The following MAGI2 variants were observed in gnomAD, a reference collection of about 807,000 sequenced individuals.
The protein encoded by MAGI2 is membrane associated guanylate kinase, WW and PDZ domain containing 2.
MAGI2 carries 35 observed loss-of-function variants against 133.3 expected under a neutral mutation model. That is an observed-to-expected ratio of 0.26 (90% CI 0.20 to 0.35). MAGI2 has a LOEUF of 0.35. Ranked by LOEUF, MAGI2 falls within the 10% of genes least tolerant of loss-of-function variation. The pLI is 1.00. For synonymous variants in MAGI2, 729 were observed against 710.6 expected, an observed-to-expected ratio of 1.03 and a Z score of -0.41; for missense variants, 1,636 against 1,863.4, an observed-to-expected ratio of 0.88 and a Z score of 2.25.
At chr7:78,980,796 T>C (rs1804715151) in intron 2 of MAGI2, among the ~76,000 whole-genome samples, 1 of 151,748 alleles carries the variant, frequency 6.6e-6, no homozygotes, top group African/African-American at 2.4e-5. Flanking sequence ...TTTTTTTAAA[T>C]ATTGGAGTAT....
chr7:78,458,250 CAT>C (rs1789540896), intron 6 of MAGI2, among the ~76,000 whole-genome samples: 1 of 145,350 alleles, frequency 6.9e-6, no homozygotes. Flanking sequence ...GAGCTGAGAT[CAT>C]GCCACTGCAC....
intron 2 of MAGI2, among the ~76,000 whole-genome samples, chr7:78,890,860 C>T (rs1354262017): frequency 4.6e-5 from 7 of 151,896 alleles, no homozygotes; most frequent in Admixed American, 3.9e-4. Flanking sequence ...TAGCAGAAGG[C>T]AAGAAATAAC....
chr7:78,676,379 C>A (rs1387186510), intron 2 of MAGI2, among the ~76,000 whole-genome samples: 1 of 152,036 alleles, frequency 6.6e-6, no homozygotes, highest in Non-Finnish European at 1.5e-5. Context: ...CGATTCAGAC[C>A]TTTTCTAATT....
At chr7:78,518,125 T>C (rs1298655047) in intron 4 of MAGI2, 1 of 152,124 alleles carries the variant, frequency 6.6e-6, no homozygotes, top group Non-Finnish European at 1.5e-5. Context: ...TGCTTATACA[T>C]GCACAGAATT....
At chr7:78,927,472 C>T (rs991071891) in intron 2 of MAGI2, among the ~76,000 whole-genome samples, 1 of 151,876 alleles carries the variant, frequency 6.6e-6, no homozygotes, top group Non-Finnish European at 1.5e-5. Flanking sequence ...CAGTGAACGT[C>T]ATTTTCTACA....
chr7:78,189,607 A>G (rs1435143680), intron 12 of MAGI2, among the ~76,000 whole-genome samples: 2 of 152,224 alleles, frequency 1.3e-5, no homozygotes, highest in South Asian at 4.1e-4. Flanking sequence ...ACCAAAGTTC[A>G]ATGTGAAGAG....
At chr7:78,403,444 G>A (rs1029132856) in intron 6 of MAGI2, among the ~76,000 whole-genome samples, 6 of 152,124 alleles carry the variant, frequency 3.9e-5, no homozygotes, top group Non-Finnish European at 7.4e-5. Context: ...ATTGTGAATA[G>A]TGCCGCAATA....
At chr7:78,706,211 G>T (rs577672077) in intron 2 of MAGI2, among the ~76,000 whole-genome samples, 3 of 152,004 alleles carry the variant, frequency 2.0e-5, no homozygotes, top group Non-Finnish European at 4.4e-5. Flanking sequence ...GGAGGGATCT[G>T]GGGGAGGTAA....
intron 6 of MAGI2, among the ~76,000 whole-genome samples, chr7:78,460,978 C>T (rs12536872): frequency 0.21 from 31,210 of 151,466 alleles, 3,296 homozygotes; most frequent in Middle Eastern, 0.29. Context: ...ACACACACAC[C>T]CTTCTTTTTA....
intron 9 of MAGI2, among the ~76,000 whole-genome samples, chr7:78,291,540 C>G (rs369191766): frequency 6.6e-6 from 1 of 152,122 alleles, no homozygotes; most frequent in Non-Finnish European, 1.5e-5. Context: ...TGAAACTATT[C>G]CAATCAATAG....
rs372078540 is a variant in MAGI2, at chr7:79,221,430, T to A, written c.302-214224A>T. Among the ~76,000 whole-genome samples, 25 of 152,042 alleles carry A rather than the reference T, an allele frequency of 1.6e-4. No individual in the cohort carries two copies. In the East Asian group the frequency reaches 3.9e-3, roughly 24 times the overall value. On this transcript the variant is annotated intron_variant, in intron 1 of 21. Transcript: ENST00000354212. ...GCACAGCAGGAAACCAGAGACAGGG[T>A]GCGGTTTATGGTAGGTAATGCACAG...
intron 9 of MAGI2, among the ~76,000 whole-genome samples, chr7:78,310,269 T>A (rs960114616): frequency 1.3e-5 from 2 of 151,990 alleles, no homozygotes; most frequent in Non-Finnish European, 2.9e-5. Context: ...ACCCCGTCTC[T>A]ACTAAAAATA....
chr7:79,100,361 TAGAC>T (rs1817871326), intron 1 of MAGI2, among the ~76,000 whole-genome samples: 2 of 152,036 alleles, frequency 1.3e-5, no homozygotes, highest in South Asian at 2.1e-4. Context: ...ATATCTGTGA[TAGAC>T]AGACAAAGAG....
chr7:78,968,427 GTTT>G (rs201480375), intron 2 of MAGI2, among the ~76,000 whole-genome samples: 1 of 142,636 alleles, frequency 7.0e-6, no homozygotes, highest in Non-Finnish European at 1.5e-5. Context: ...TTTGTCATCA[GTTT>G]TTTTTTTTTG....
At chr7:78,647,779 A>C (rs1356259754) in intron 2 of MAGI2, among the ~76,000 whole-genome samples, 1 of 152,208 alleles carries the variant, frequency 6.6e-6, no homozygotes, top group East Asian at 1.9e-4. Context: ...GGATAAAGAA[A>C]ATGTGGCCCA....
chr7:79,075,369 CT>C (rs1328543087), intron 1 of MAGI2, among the ~76,000 whole-genome samples: 1 of 152,124 alleles, frequency 6.6e-6, no homozygotes, highest in Non-Finnish European at 1.5e-5. Context: ...TTGGAGTCAG[CT>C]TGTGGGTAGG....
intron 2 of MAGI2, among the ~76,000 whole-genome samples, chr7:78,738,559 G>C (rs1822091719): frequency 6.6e-6 from 1 of 151,992 alleles, no homozygotes; most frequent in African/African-American, 2.4e-5. Flanking sequence ...AAAACTGCAG[G>C]CTAATATTAT....
intron 1 of MAGI2, among the ~76,000 whole-genome samples, chr7:79,154,426 A>C (rs1405191021): frequency 1.3e-5 from 2 of 152,312 alleles, no homozygotes; most frequent in Middle Eastern, 3.4e-3. Context: ...ACTGTCTACA[A>C]AGAATGTCTC....
chr7:79,366,199 C>A (rs1474222371), intron 1 of MAGI2, among the ~76,000 whole-genome samples: 1 of 151,882 alleles, frequency 6.6e-6, no homozygotes, highest in African/African-American at 2.4e-5. Context: ...CCATTGCACT[C>A]CAGCCCGGGC....
Sources: allele counts gnomAD v4.1 joint callset (sites outside exome capture counted in the v4.1 genomes callset), GRCh38; gene constraint gnomAD v4.1.1; transcripts MANE v1.5; gene names NCBI Gene and HGNC (gene_info 2026-07-23, HGNC 2026-07-21).